Variants in DENND4A observed in about 807,000 individuals in gnomAD.
The protein encoded by DENND4A is C-myc promoter-binding protein.
Under a neutral mutation model 199.3 loss-of-function variants are expected in DENND4A, and 70 were observed. The ratio of observed to expected loss-of-function variants is 0.35; its 90% CI spans 0.29 to 0.43. DENND4A has a LOEUF of 0.43. Ranked by LOEUF, DENND4A falls within the 20% of genes least tolerant of loss-of-function variation. DENND4A has a pLI of 1.00. For missense variants in DENND4A, 1,723 were observed against 2,255.8 expected (o/e 0.76, Z 4.78); for synonymous variants, 686 against 766.9 (o/e 0.89, Z 1.74).
At chr15:65,790,360 G>A (rs2077682365) in intron 1 of DENND4A, among the ~76,000 whole-genome samples, 1 of 152,074 alleles carries the variant, frequency 6.6e-6, no homozygotes, top group African/African-American at 2.4e-5. Flanking sequence ...TTAAAACTTG[G>A]ACCAAAAGTT....
chr15:65,740,930 C>T (rs957024051), intron 5 of DENND4A, among the ~76,000 whole-genome samples: 6 of 152,010 alleles, frequency 3.9e-5, no homozygotes, highest in African/African-American at 1.5e-4. Context: ...CCACTGTACT[C>T]CAGCCTGAGC....
chr15:65,741,873 T>C (rs1294928039), intron 4 of DENND4A, 89 bp from the exon 5 acceptor site: 3 of 969,504 alleles, frequency 3.1e-6, no homozygotes, highest in East Asian at 2.7e-5. Context: ...TAGTATGTAT[T>C]ATCTAATATG....
At chr15:65,700,878 T>C (rs757833730) in intron 19 of DENND4A, among the ~76,000 whole-genome samples, 173 bp downstream of exon 19, 2 of 152,228 alleles carry the variant, frequency 1.3e-5, no homozygotes, top group African/African-American at 2.4e-5. Context: ...AGTTGAAACA[T>C]TTAAACAGAA....
At chr15:65,714,368 G>A (rs892316531) in intron 14 of DENND4A, among the ~76,000 whole-genome samples, 23 of 151,254 alleles carry the variant, frequency 1.5e-4, no homozygotes, top group South Asian at 2.1e-4. Context: ...AGCCAGGATC[G>A]CGCCACTGCA....
chr15:65,718,343 T>C (rs912064932), intron 12 of DENND4A, among the ~76,000 whole-genome samples: 4 of 152,180 alleles, frequency 2.6e-5, no homozygotes, highest in African/African-American at 7.2e-5. Flanking sequence ...AGAGAGATTC[T>C]GTCTTTACAA....
Position 65,702,641 on chromosome 15 carries a change from C to T in DENND4A, c.2224-130G>A, listed in dbSNP as rs951634562. Reference sequence around the variant, plus strand: ...TAACAAAATATGTCTGTAATTAATGCGTTTTCAAGTTTCTTTTTGAATCTG... The same window carrying T: ...TAACAAAATATGTCTGTAATTAATGTGTTTTCAAGTTTCTTTTTGAATCTG... On this transcript the variant is annotated intron_variant, in intron 16 of 32. Coordinates refer to ENST00000443035, the MANE Select transcript of DENND4A (RefSeq NM_001320835.1). 5.5e-5 allele frequency: 51 copies of T among 923,216 alleles called. No homozygotes were observed. In the African/African-American group the frequency reaches 5.6e-4, roughly 10 times the overall value. The allele number at this position is 923,216 out of a possible 1,614,324, so 57.2% of individuals were successfully genotyped here.
intron 1 of DENND4A, among the ~76,000 whole-genome samples, chr15:65,777,666 T>C (rs1402536884): frequency 6.6e-5 from 10 of 151,992 alleles, no homozygotes; most frequent in South Asian, 4.1e-4. Context: ...AACAAAAAAA[T>C]TGATTAAACA....
intron 1 of DENND4A, among the ~76,000 whole-genome samples, chr15:65,774,090 C>T (rs999516318): frequency 1.3e-5 from 2 of 152,206 alleles, no homozygotes; most frequent in African/African-American, 4.8e-5. Context: ...GGTGTGGTGG[C>T]TCATGCCTGT....
intron 14 of DENND4A, among the ~76,000 whole-genome samples, chr15:65,707,815 A>G (rs1225609354): frequency 1.3e-5 from 2 of 151,898 alleles, no homozygotes; most frequent in Non-Finnish European, 2.9e-5. Context: ...CCTCCCAAGT[A>G]GCTGGGACTA....
intron 12 of DENND4A, among the ~76,000 whole-genome samples, chr15:65,722,452 G>A: frequency 6.6e-6 from 1 of 151,780 alleles, no homozygotes; most frequent in East Asian, 1.9e-4. Flanking sequence ...GGGTGACAAA[G>A]CAAGACCGTG....
intron 2 of DENND4A, among the ~76,000 whole-genome samples, chr15:65,758,408 G>A (rs970322959): frequency 3.3e-5 from 5 of 152,134 alleles, no homozygotes; most frequent in African/African-American, 1.2e-4. Flanking sequence ...TGACCACCTG[G>A]GCTCAAGCAA....
At chr15:65,790,560 T>C (rs2077688072) in intron 1 of DENND4A, among the ~76,000 whole-genome samples, 2 of 152,148 alleles carry the variant, frequency 1.3e-5, no homozygotes, top group Non-Finnish European at 2.9e-5. Flanking sequence ...ATGTAACATA[T>C]TATATATAAT....
At chr15:65,753,667 AAT>A (rs755801885) in intron 3 of DENND4A, among the ~76,000 whole-genome samples, 26 of 151,938 alleles carry the variant, frequency 1.7e-4, no homozygotes, top group Middle Eastern at 3.4e-3. Context: ...CTACAAATTA[AAT>A]ATGTTTCTGC....
chr15:65,706,039 G>A (rs903498392), intron 15 of DENND4A, 52 bp downstream of exon 15: 1 of 1,444,096 alleles, frequency 6.9e-7, no homozygotes, highest in African/African-American at 1.4e-5. Flanking sequence ...CTACGTCACA[G>A]ATGATGGATT....
chr15:65,771,303 G>A, intron 1 of DENND4A: 1 of 1,588,100 alleles, frequency 6.3e-7, no homozygotes, highest in East Asian at 2.2e-5. Context: ...GTTTTTTGTT[G>A]TCTTTCTTTC....
intron 1 of DENND4A, among the ~76,000 whole-genome samples, chr15:65,787,403 T>A (rs1165770320): frequency 1.3e-5 from 2 of 152,208 alleles, no homozygotes; most frequent in East Asian, 3.8e-4. Flanking sequence ...AAATAAAGTA[T>A]AACACTAGCA....
intron 24 of DENND4A, 149 bp from the exon 25 acceptor site, chr15:65,672,035 G>A (rs2141895172): frequency 3.2e-6 from 2 of 615,808 alleles, no homozygotes; most frequent in East Asian, 2.8e-5. Context: ...AATAAATAAT[G>A]AACAAGATTT....
chr15:65,715,343 T>G (rs1358454972), intron 14 of DENND4A, 135 bp downstream of exon 14: 1 of 870,212 alleles, frequency 1.1e-6, no homozygotes, highest in Admixed American at 3.9e-5. Context: ...TACCAAAACT[T>G]TCATTTAAGT....
intron 3 of DENND4A, among the ~76,000 whole-genome samples, chr15:65,754,865 A>C (rs1038331254): frequency 4.6e-5 from 7 of 152,274 alleles, no homozygotes; most frequent in African/African-American, 1.7e-4. Context: ...AAAAGATTGA[A>C]CATGGAATTA....
Sources: gnomAD v4.1 joint callset for allele counts (sites outside exome capture counted in the v4.1 genomes callset) on GRCh38, gnomAD v4.1.1 for gene constraint, MANE v1.5 for transcripts, NCBI Gene and HGNC (gene_info 2026-07-23, HGNC 2026-07-21) for gene names.